The following BANK1 variants were observed in gnomAD, a reference collection of about 807,000 sequenced individuals.
BANK1 encodes the protein B-cell scaffold protein with ankyrin repeats.
A neutral mutation model predicts 94.5 loss-of-function variants in BANK1; 95 were observed. That is an observed-to-expected ratio of 1.00 (90% confidence interval 0.85 to 1.19). The LOEUF (loss-of-function observed/expected upper bound fraction) is 1.19, where lower values mean the gene tolerates loss of function less well. Among genes scored for constraint, BANK1 ranks in the 50% most tolerant of loss-of-function variants. BANK1 has a pLI of 0.00. For missense variants in BANK1, 987 were observed against 932.2 expected, an observed-to-expected ratio of 1.06 and a Z score of -0.77; for synonymous variants, 334 against 308.4, an observed-to-expected ratio of 1.08 and a Z score of -0.87.
chr4:102,056,387 A>G (rs777718867), intron 11 of BANK1, among the ~76,000 whole-genome samples: 2 of 152,182 alleles, frequency 1.3e-5, no homozygotes, highest in Non-Finnish European at 2.9e-5. Flanking sequence ...ATCCCTTAGT[A>G]AGAGAATGAT....
intron 10 of BANK1, among the ~76,000 whole-genome samples, chr4:102,043,535 C>T (rs1727773125): frequency 6.6e-6 from 1 of 151,972 alleles, no homozygotes; most frequent in Admixed American, 6.6e-5. Context: ...TCGCTTTTAA[C>T]ACAATGCAGC....
intron 7 of BANK1, among the ~76,000 whole-genome samples, chr4:101,954,566 G>A (rs1196383521): frequency 6.6e-6 from 1 of 152,020 alleles, no homozygotes; most frequent in South Asian, 2.1e-4. Flanking sequence ...ATTGATGAGG[G>A]AAGAGACATG....
At chr4:101,973,514 C>G (rs1347476237) in intron 7 of BANK1, among the ~76,000 whole-genome samples, 1 of 152,026 alleles carries the variant, frequency 6.6e-6, no homozygotes. Context: ...GCCTTAGTCA[C>G]TAAACTTTCC....
chr4:101,936,713 A>G (rs975709418), intron 7 of BANK1, among the ~76,000 whole-genome samples: 1 of 151,614 alleles, frequency 6.6e-6, no homozygotes, highest in Non-Finnish European at 1.5e-5. Flanking sequence ...AAGTTGCTCA[A>G]TATCATTGAT....
intron 5 of BANK1, among the ~76,000 whole-genome samples, chr4:101,893,456 A>G (rs1721952325): frequency 6.6e-6 from 1 of 152,104 alleles, no homozygotes; most frequent in African/African-American, 2.4e-5. Context: ...CAATGGCTAG[A>G]TAATATGCTA....
intron 6 of BANK1, among the ~76,000 whole-genome samples, chr4:101,909,558 A>T (rs555776464): frequency 2.0e-5 from 3 of 152,266 alleles, no homozygotes; most frequent in African/African-American, 7.2e-5. Context: ...ACACACAAAA[A>T]AATGCCTTTA....
At chr4:101,984,205 C>G (rs536587918) in intron 7 of BANK1, among the ~76,000 whole-genome samples, 9 of 151,568 alleles carry the variant, frequency 5.9e-5, no homozygotes, top group Non-Finnish European at 1.0e-4. Flanking sequence ...TAAGAAAGCT[C>G]GAAAAAGAGG....
At chr4:102,066,646 TAAATG>T (rs1197389710) in intron 13 of BANK1, among the ~76,000 whole-genome samples, 5 of 152,072 alleles carry the variant, frequency 3.3e-5, no homozygotes, top group African/African-American at 1.2e-4. Flanking sequence ...ACATTTAAGA[TAAATG>T]AAATGAGATA....
At chr4:101,925,850 G>T (rs1430322950) in intron 7 of BANK1, among the ~76,000 whole-genome samples, 7 of 151,638 alleles carry the variant, frequency 4.6e-5, no homozygotes, top group Non-Finnish European at 1.0e-4. Flanking sequence ...TCACTTACAT[G>T]CCTGCTGGTC....
chr4:101,961,836 G>T (rs1367922415), intron 7 of BANK1, among the ~76,000 whole-genome samples: 2 of 152,076 alleles, frequency 1.3e-5, no homozygotes, highest in African/African-American at 4.8e-5. Context: ...GTCCAATGGG[G>T]TCCCTTAAGG....
chr4:101,890,422 G>A (rs1721817563), intron 5 of BANK1, among the ~76,000 whole-genome samples: 1 of 151,434 alleles, frequency 6.6e-6, no homozygotes, highest in Non-Finnish European at 1.5e-5. Context: ...GTCCCTTTCT[G>A]TCTCCTGTAA....
chr4:101,825,162 T>C (rs2148861308), intron 1 of BANK1, among the ~76,000 whole-genome samples: 1 of 152,290 alleles, frequency 6.6e-6, no homozygotes, highest in East Asian at 1.9e-4. Flanking sequence ...TCTTCAATAG[T>C]AATGTCTTTT....
At chr4:102,022,469 C>T (rs1726947009) in intron 8 of BANK1, among the ~76,000 whole-genome samples, 1 of 152,122 alleles carries the variant, frequency 6.6e-6, no homozygotes, top group Admixed American at 6.6e-5. Context: ...TAGTCCACAC[C>T]ATCATCAGTT....
intron 7 of BANK1, among the ~76,000 whole-genome samples, chr4:101,922,949 A>G (rs563265462): frequency 2.6e-5 from 4 of 151,940 alleles, no homozygotes; most frequent in East Asian, 3.9e-4. Flanking sequence ...TAAACATGCT[A>G]TGTAAACTCC....
intron 4 of BANK1, among the ~76,000 whole-genome samples, chr4:101,863,699 G>C (rs1578364551): frequency 6.6e-6 from 1 of 152,052 alleles, no homozygotes; most frequent in South Asian, 2.1e-4. Context: ...TCATGGATAA[G>C]CATGTGTAGA....
chr4:101,847,987 G>A (rs1220024475), intron 2 of BANK1, among the ~76,000 whole-genome samples: 4 of 152,118 alleles, frequency 2.6e-5, no homozygotes, highest in Admixed American at 1.3e-4. Flanking sequence ...TCCCTTTGGC[G>A]CCAGCGAGGA....
intron 1 of BANK1, among the ~76,000 whole-genome samples, chr4:101,802,795 T>C (rs539974988): frequency 5.1e-4 from 77 of 152,336 alleles, no homozygotes; most frequent in African/African-American, 1.7e-3. Flanking sequence ...TTGACAGTTA[T>C]GGCTGTTGCT....
chr4:101,859,845 T>G (rs1378088752), intron 3 of BANK1, among the ~76,000 whole-genome samples: 1 of 152,188 alleles, frequency 6.6e-6, no homozygotes, highest in Non-Finnish European at 1.5e-5. Context: ...AAAACACCCT[T>G]AGGATGTTTA....
At chr4:102,032,891 T>TA (rs1300385157) in intron 10 of BANK1, among the ~76,000 whole-genome samples, 23 of 127,666 alleles carry the variant, frequency 1.8e-4, no homozygotes, top group East Asian at 1.8e-3. Flanking sequence ...TCAAAAAATA[T>TA]AAAAATAAAA....
Sources: allele counts gnomAD v4.1 joint callset (sites outside exome capture counted in the v4.1 genomes callset), GRCh38; gene constraint gnomAD v4.1.1; transcripts MANE v1.5; gene names NCBI Gene and HGNC (gene_info 2026-07-23, HGNC 2026-07-21).